Variants in PIWIL1 observed in about 807,000 individuals in gnomAD.
PIWIL1 encodes piwi-like protein 1.
A neutral mutation model predicts 114.4 loss-of-function variants in PIWIL1; 73 were observed. That is an observed-to-expected ratio of 0.64 (90% CI 0.53 to 0.78). The LOEUF is 0.78. Ranked by LOEUF, PIWIL1 falls within the 30% of genes least tolerant of loss-of-function variation. The pLI, the probability that PIWIL1 is intolerant of heterozygous loss-of-function variation, is 0.00. For synonymous variants in PIWIL1, 375 were observed against 369.0 expected (o/e 1.02, Z -0.19); for missense variants, 723 against 1,063.1 (o/e 0.68, Z 4.45).
At chr12:130,349,645 C>T (rs1047520567) in intron 8 of PIWIL1, among the ~76,000 whole-genome samples, 3 of 152,150 alleles carry the variant, frequency 2.0e-5, no homozygotes, top group African/African-American at 7.2e-5. Context: ...TGATTTTTAT[C>T]CTTTTAAATT....
intron 1 of PIWIL1, chr12:130,339,485 A>G (rs900793989): frequency 2.0e-5 from 3 of 152,240 alleles, no homozygotes; most frequent in African/African-American, 7.2e-5. Context: ...TCCTGAGCTC[A>G]GCGCCGGAGG....
intron 14 of PIWIL1, among the ~76,000 whole-genome samples, chr12:130,358,971 C>T (rs549899140): frequency 3.3e-5 from 5 of 152,208 alleles, no homozygotes; most frequent in Non-Finnish European, 5.9e-5. Context: ...ATGCACACAC[C>T]CCTGCACACA....
At chr12:130,407,865 G>C in the PIWIL1 span, 1 of 1,580,486 alleles carries the variant, frequency 6.3e-7, no homozygotes, top group Non-Finnish European at 8.7e-7. Flanking sequence ...AATCCATCAT[G>C]AGGTTATTTC....
chr12:130,422,617 A>C, the PIWIL1 span: 4 of 1,252,126 alleles, frequency 3.2e-6, no homozygotes, highest in Non-Finnish European at 4.6e-6. This position sits in a 1 kb window ranked among gnomAD's most constrained non-coding sequence, Gnocchi z 5.2. Context: ...GAACTGAAGA[A>C]TTCAGTTAGC....
At chr12:130,386,233 C>T in the PIWIL1 span, among the ~76,000 whole-genome samples, 1 of 152,098 alleles carries the variant, frequency 6.6e-6, no homozygotes, top group East Asian at 1.9e-4. Context: ...TTGGAGCTGT[C>T]ATAATCCTTG....
At chr12:130,424,718 C>A in the PIWIL1 span, 2 of 1,232,292 alleles carry the variant, frequency 1.6e-6, no homozygotes, top group Non-Finnish European at 2.0e-6. The surrounding 1 kb of genome is among the most constrained non-coding windows in gnomAD (Gnocchi z 9.8). Flanking sequence ...GCCCTGCACC[C>A]TGCTTGTGTA....
rs905123679 is a variant in PIWIL1 at position 130,362,672 on chromosome 12, G to C, written c.1971-94G>C. ...CTTTAAGGCAGTTACAAAGATGACA[G>C]ATTGCTAAGAGTGAAATAAATATAG... On this transcript the variant is annotated intron_variant, in intron 16 of 20. Transcript: ENST00000245255. 6 of 1,064,650 alleles carry C rather than the reference G, an allele frequency of 5.6e-6. No individual in the cohort carries two copies. The South Asian group carries it at 8.2e-5, about 15-fold the overall frequency. The allele number at this position is 1,064,650 out of a possible 1,614,324, so 66.0% of individuals were successfully genotyped here.
At chr12:130,424,268 G>C in the PIWIL1 span, 7 of 1,231,796 alleles carry the variant, frequency 5.7e-6, 1 homozygote, top group East Asian at 3.2e-5. The surrounding 1 kb of genome is among the most constrained non-coding windows in gnomAD (Gnocchi z 9.8). Context: ...CGCCCCAGCC[G>C]TGCTTCCTGG....
At chr12:130,349,459 A>C in intron 8 of PIWIL1, 23 bp downstream of exon 8, 1 of 1,514,740 alleles carries the variant, frequency 6.6e-7, no homozygotes, top group Non-Finnish European at 9.1e-7. Context: ...TTTAAAGTGC[A>C]CAATAATTTT....
intron 1 of PIWIL1, among the ~76,000 whole-genome samples, chr12:130,340,423 G>A (rs958696609): frequency 2.0e-5 from 3 of 151,924 alleles, no homozygotes; most frequent in African/African-American, 4.8e-5. Context: ...CGGATTATCA[G>A]GCATTAGATT....
At chr12:130,352,496 T>C (rs571518636) in intron 9 of PIWIL1, among the ~76,000 whole-genome samples, 3 of 152,154 alleles carry the variant, frequency 2.0e-5, no homozygotes, top group East Asian at 1.9e-4. Context: ...CTGACCAACA[T>C]GGTGAAACCT....
the PIWIL1 span, chr12:130,383,913 T>C: frequency 6.6e-6 from 1 of 152,236 alleles, no homozygotes; most frequent in African/African-American, 2.4e-5. Context: ...TAGATGTATA[T>C]TTTTGTGTTT....
chr12:130,412,717 C>G, the PIWIL1 span: 1 of 1,613,822 alleles, frequency 6.2e-7, no homozygotes, highest in South Asian at 1.1e-5. Flanking sequence ...GACCATGTTA[C>G]AAGGAATAAG....
At chr12:130,389,087 T>G in the PIWIL1 span, among the ~76,000 whole-genome samples, 6,635 of 152,250 alleles carry the variant, frequency 0.044, 196 homozygotes, top group Middle Eastern at 0.086. Context: ...TATCTTTTAT[T>G]CTGTTAACAT....
At position 130,348,252 on chromosome 12, in the gene PIWIL1, T is replaced by C. The variant is rs532276004; in HGVS notation, c.734+69T>C. The C allele has an allele frequency of 1.6e-4, 139 of 865,292 alleles. No homozygotes were observed. The African/African-American group carries it at 2.3e-3, about 14-fold the overall frequency. 53.6% of individuals were successfully genotyped at this position (865,292 alleles called of 1,614,324 possible). ...CAGACTTTTGAGACGATAACCTAAT[T>C]TGAAATGGTCAAATTTACTACAGTG... On this transcript the variant is annotated intron_variant, in intron 7 of 20. Transcript: ENST00000245255.
intron 9 of PIWIL1, among the ~76,000 whole-genome samples, chr12:130,353,283 T>C (rs1368240193): frequency 7.0e-6 from 1 of 142,094 alleles, no homozygotes; most frequent in African/African-American, 2.5e-5. Context: ...GTGTGTGGTT[T>C]TTTGTTCTTC....
chr12:130,397,057 A>G, the PIWIL1 span: 1 of 207,632 alleles, frequency 4.8e-6, no homozygotes, highest in Non-Finnish European at 9.6e-6. Context: ...CAAAGACTGG[A>G]ATTACAGGTA....
the PIWIL1 span, chr12:130,424,057 A>G: frequency 1.4e-6 from 1 of 709,236 alleles, no homozygotes; most frequent in Non-Finnish European, 2.0e-6. The surrounding 1 kb of genome is among the most constrained non-coding windows in gnomAD (Gnocchi z 9.8). Flanking sequence ...CCAGGGATGG[A>G]CACCAGAACA....
the PIWIL1 span, among the ~76,000 whole-genome samples, chr12:130,385,571 T>G: frequency 6.6e-6 from 1 of 152,238 alleles, no homozygotes; most frequent in Non-Finnish European, 1.5e-5. Context: ...TGCGTCTATG[T>G]GAACGGCTTA....
Sources: gnomAD v4.1 joint callset for allele counts (sites outside exome capture counted in the v4.1 genomes callset) on GRCh38, gnomAD v4.1.1 for gene constraint, Gnocchi (gnomAD v3.1) non-coding constraint, MANE v1.5 for transcripts, NCBI Gene and HGNC (gene_info 2026-07-23, HGNC 2026-07-21) for gene names.